The following FOXN3 variants were observed in gnomAD, a reference collection of about 807,000 sequenced individuals.
FOXN3 encodes the protein forkhead box N3.
A neutral mutation model predicts 38.4 loss-of-function variants in FOXN3; 7 were observed. The ratio of observed to expected loss-of-function variants is 0.18; its 90% CI spans 0.10 to 0.34. FOXN3 has a LOEUF of 0.34. FOXN3 is among the 10% of genes least tolerant of loss of function. FOXN3 has a pLI of 1.00. For synonymous variants in FOXN3, 230 were observed against 242.2 expected (o/e 0.95, Z 0.47); for missense variants, 456 against 613.4 (o/e 0.74, Z 2.71).
chr14:89,204,097 ACAC>A (rs1888314016), intron 4 of FOXN3, among the ~76,000 whole-genome samples: 2 of 135,608 alleles, frequency 1.5e-5, no homozygotes, highest in African/African-American at 2.8e-5. Context: ...ACACACACAC[ACAC>A]ACAACTACTA....
intron 4 of FOXN3, among the ~76,000 whole-genome samples, chr14:89,214,017 T>C (rs1318844386): frequency 1.3e-5 from 2 of 152,290 alleles, no homozygotes; most frequent in Middle Eastern, 3.4e-3. Context: ...CTTGGGGCAA[T>C]ATGCAAACAA....
intron 3 of FOXN3, among the ~76,000 whole-genome samples, chr14:89,288,533 C>CTATAATG (rs1886708738): frequency 1.5e-5 from 1 of 64,972 alleles, no homozygotes; most frequent in African/African-American, 4.1e-5. Flanking sequence ...ATGATGTTTA[C>CTATAATG]TATCAACATT....
At chr14:89,317,353 G>A (rs988103332) in intron 3 of FOXN3, among the ~76,000 whole-genome samples, 2 of 152,188 alleles carry the variant, frequency 1.3e-5, no homozygotes, top group Non-Finnish European at 2.9e-5. Context: ...TAGAAGGCAA[G>A]AGTTCTGGGT....
At chr14:89,311,548 C>T (rs1359499445) in intron 3 of FOXN3, among the ~76,000 whole-genome samples, 4 of 150,358 alleles carry the variant, frequency 2.7e-5, no homozygotes, top group African/African-American at 4.9e-5. Context: ...TACCTGTGGC[C>T]GGGTGCAGTG....
chr14:89,320,563 C>T (rs998814194), intron 3 of FOXN3, among the ~76,000 whole-genome samples: 1 of 152,148 alleles, frequency 6.6e-6, no homozygotes, highest in African/African-American at 2.4e-5. Flanking sequence ...ATAGCTAATC[C>T]CCAACCATCT....
chr14:89,206,261 C>T (rs574007363), intron 4 of FOXN3, among the ~76,000 whole-genome samples: 25 of 152,144 alleles, frequency 1.6e-4, no homozygotes, highest in Non-Finnish European at 2.6e-4. Flanking sequence ...GAGGCCCAAG[C>T]GTGAGGGCCA....
rs1555359728 is a variant in FOXN3 at position 89,546,332 on chromosome 14, T to TTTTTTTC, written c.-15+72695_-15+72696insGAAAAAA. Among the ~76,000 whole-genome samples, 79 of 78,506 alleles carry TTTTTTTC rather than the reference T, an allele frequency of 1.0e-3. 3 individuals are homozygous for TTTTTTTC. The South Asian group carries it at 0.023, about 23-fold the overall frequency. 51.5% of individuals were successfully genotyped at this position (78,506 alleles called of 152,430 possible). Reference sequence around the variant, plus strand: ...CTTCTTTTCTTTTTTCCTTTTTCTTTTTTTTTTTTTTTTTTTGAGATGGAG... The same window carrying TTTTTTTC: ...CTTCTTTTCTTTTTTCCTTTTTCTTTTTTTTTCTTTTTTTTTTTTTTTTGAGATGGAG... On this transcript the variant is annotated intron_variant, in intron 1 of 6. Transcript: ENST00000345097.
At chr14:89,569,208 G>T (rs171461) in intron 1 of FOXN3, among the ~76,000 whole-genome samples, 111,881 of 150,170 alleles carry the variant, frequency 0.75, 42,938 homozygotes, top group Non-Finnish European at 0.85. Flanking sequence ...CCGTCTCAAA[G>T]AAAAAGAAAG....
intron 1 of FOXN3, among the ~76,000 whole-genome samples, chr14:89,425,027 AC>A (rs1296376230): frequency 7.0e-6 from 1 of 142,990 alleles, no homozygotes; most frequent in African/African-American, 2.6e-5. Flanking sequence ...TGTACAGCTG[AC>A]TTTTTTTTGT....
chr14:89,203,922 C>T (rs1374828903), intron 4 of FOXN3, among the ~76,000 whole-genome samples: 1 of 152,110 alleles, frequency 6.6e-6, no homozygotes, highest in Non-Finnish European at 1.5e-5. Flanking sequence ...TCTGGTTACC[C>T]TGCTCCCAGA....
At chr14:89,351,659 G>T (rs55727209) in intron 2 of FOXN3, among the ~76,000 whole-genome samples, 1 of 152,196 alleles carries the variant, frequency 6.6e-6, no homozygotes, top group African/African-American at 2.4e-5. Context: ...TCCTCTGGCC[G>T]CACACTTTCA....
At chr14:89,502,307 G>T (rs1370953600) in intron 1 of FOXN3, among the ~76,000 whole-genome samples, 1 of 152,200 alleles carries the variant, frequency 6.6e-6, no homozygotes, top group Non-Finnish European at 1.5e-5. Context: ...GAGAGACAAG[G>T]TGCAGGATTA....
chr14:89,233,138 A>G (rs1436955815), intron 4 of FOXN3, among the ~76,000 whole-genome samples: 1 of 152,212 alleles, frequency 6.6e-6, no homozygotes, highest in African/African-American at 2.4e-5. Flanking sequence ...TTTCTTCTGA[A>G]CCCTTAGGAG....
chr14:89,496,227 T>A (rs1596297191), intron 1 of FOXN3, among the ~76,000 whole-genome samples: 2 of 151,962 alleles, frequency 1.3e-5, no homozygotes, highest in East Asian at 3.9e-4. Context: ...AAAAGAGTAC[T>A]TGACTAGAGT....
intron 1 of FOXN3, among the ~76,000 whole-genome samples, chr14:89,486,133 C>T (rs1273858727): frequency 1.3e-5 from 2 of 152,142 alleles, no homozygotes; most frequent in African/African-American, 4.8e-5. Context: ...TTTTCATCCC[C>T]ACCTGTCCCA....
intron 4 of FOXN3, among the ~76,000 whole-genome samples, chr14:89,193,921 A>G (rs912095692): frequency 6.6e-6 from 1 of 152,084 alleles, no homozygotes; most frequent in African/African-American, 2.4e-5. Flanking sequence ...TGGGGTTTTC[A>G]TTTTTATTTC....
At chr14:89,547,224 GTTATTTATTTATTTATTTAT>G (rs142859577) in intron 1 of FOXN3, among the ~76,000 whole-genome samples, 19 of 144,754 alleles carry the variant, frequency 1.3e-4, no homozygotes, top group South Asian at 2.2e-4. Flanking sequence ...CAGACACTAG[GTTATTTATTTATTTATTTAT>G]TTATTTATTT....
At chr14:89,480,922 T>C (rs910200590) in intron 1 of FOXN3, among the ~76,000 whole-genome samples, 1 of 152,132 alleles carries the variant, frequency 6.6e-6, no homozygotes, top group African/African-American at 2.4e-5. Context: ...GACTGTGCCA[T>C]GTTTCGTTCA....
chr14:89,503,781 C>T (rs1450059402), intron 1 of FOXN3, among the ~76,000 whole-genome samples: 1 of 152,176 alleles, frequency 6.6e-6, no homozygotes, highest in Non-Finnish European at 1.5e-5. Flanking sequence ...GGAGAAATCA[C>T]GATGCTTGTC....
Sources: allele counts gnomAD v4.1 joint callset (sites outside exome capture counted in the v4.1 genomes callset), GRCh38; gene constraint gnomAD v4.1.1; transcripts MANE v1.5; gene names NCBI Gene and HGNC (gene_info 2026-07-23, HGNC 2026-07-21).